Variants in PCDH15 observed in about 807,000 individuals in gnomAD.
PCDH15 encodes protocadherin-15.
A neutral mutation model predicts 178.5 loss-of-function variants in PCDH15; 129 were observed. The observed-to-expected ratio is 0.72, with a 90% CI of 0.63 to 0.84. The LOEUF (loss-of-function observed/expected upper bound fraction) is 0.84, where lower values mean the gene tolerates loss of function less well. Among genes scored for constraint, PCDH15 ranks in the 40% least tolerant of loss-of-function variants. PCDH15 has a pLI of 0.00. For missense variants in PCDH15, 2,230 were observed against 2,099.9 expected, an observed-to-expected ratio of 1.06 and a Z score of -1.21; for synonymous variants, 800 against 732.0, an observed-to-expected ratio of 1.09 and a Z score of -1.50.
chr10:55,167,328 C>A lies in PCDH15; in HGVS notation c.-155-677G>T, dbSNP rs180711872. Among the ~76,000 whole-genome samples the A allele has an allele frequency of 9.8e-4, 149 of 152,158 alleles. 1 individual carries two copies. Among genetic ancestry groups the A allele is most frequent in the African/African-American group, 3.3e-3 (135 of 41,514 alleles). On this transcript the variant is annotated intron_variant, in intron 1 of 5. Coordinates refer to the PCDH15 transcript ENST00000458638. ...TCGTAGTTTTGCCATGTTGCCCAGG[C>A]TTGTCTCAAACTTCTGGGCTCAAGT...
At chr10:53,891,509 G>A (rs925265833) in intron 26 of PCDH15, among the ~76,000 whole-genome samples, 9 of 152,112 alleles carry the variant, frequency 5.9e-5, no homozygotes, top group Admixed American at 5.9e-4. Flanking sequence ...CTGCTAGAGT[G>A]CACTCAAACT....
intron 21 of PCDH15, among the ~76,000 whole-genome samples, chr10:53,971,877 A>G (rs1158492251): frequency 6.6e-6 from 1 of 152,234 alleles, no homozygotes; most frequent in Non-Finnish European, 1.5e-5. Flanking sequence ...GGTAATTTAT[A>G]GATTCAATGC....
chr10:54,153,790 C>G (rs1426120247), intron 13 of PCDH15, among the ~76,000 whole-genome samples: 1 of 152,132 alleles, frequency 6.6e-6, no homozygotes, highest in East Asian at 1.9e-4. Flanking sequence ...CCCAGACACT[C>G]TCATCTTTGT....
At chr10:55,081,547 G>A (rs963092287) in intron 2 of PCDH15, among the ~76,000 whole-genome samples, 2 of 152,150 alleles carry the variant, frequency 1.3e-5, no homozygotes, top group Non-Finnish European at 2.9e-5. Context: ...CAGTTAGGAG[G>A]CAAGGCCTTT....
At chr10:54,349,553 C>T (rs564033036) in intron 5 of PCDH15, among the ~76,000 whole-genome samples, 37 of 152,222 alleles carry the variant, frequency 2.4e-4, no homozygotes, top group African/African-American at 8.7e-4. Context: ...AGCATGATGT[C>T]TTAATATATT....
rs77653553 is a variant in PCDH15, at chr10:54,077,682, C to G, written c.2091+1649G>C. Among the ~76,000 whole-genome samples the G allele has an allele frequency of 7.2e-3, 1,090 of 152,210 alleles. 11 individuals are homozygous for G. The highest frequency in any genetic ancestry group is 0.025 in the African/African-American group (1,022 of 41,478). ...TTGCCTAGCCGAGTTACCCTCTAAA[C>G]TTTCATCATAAGTCAAGTTCTTCAA... On this transcript the variant is annotated intron_variant, in intron 17 of 37. Transcript: ENST00000644397.
chr10:53,930,758 A>G (rs1466058055), intron 25 of PCDH15, among the ~76,000 whole-genome samples: 4 of 152,014 alleles, frequency 2.6e-5, no homozygotes, highest in Non-Finnish European at 5.9e-5. Context: ...TTTCTTCCCT[A>G]CTACATAAAC....
chr10:55,468,055 A>AATCATATCC (rs1253520986), intron 2 of PCDH15, among the ~76,000 whole-genome samples: 1 of 151,682 alleles, frequency 6.6e-6, no homozygotes, highest in Non-Finnish European at 1.5e-5. Flanking sequence ...TAACTGAGAG[A>AATCATATCC]ATCATATCCT....
chr10:54,781,244 C>T (rs1950332441), intron 1 of PCDH15, among the ~76,000 whole-genome samples: 1 of 152,044 alleles, frequency 6.6e-6, no homozygotes. Context: ...TATACACTTG[C>T]TATGGTGGTT....
At chr10:55,399,877 A>C (rs1032109898) in intron 2 of PCDH15, among the ~76,000 whole-genome samples, 13 of 152,162 alleles carry the variant, frequency 8.5e-5, no homozygotes, top group African/African-American at 2.7e-4. Context: ...AGCTTAAAAT[A>C]ACCTATACAA....
At chr10:54,037,853 C>T (rs927574599) in intron 18 of PCDH15, among the ~76,000 whole-genome samples, 11 of 152,012 alleles carry the variant, frequency 7.2e-5, no homozygotes, top group Non-Finnish European at 1.3e-4. Flanking sequence ...ACTGAAGTTA[C>T]GTCTAACATG....
At chr10:54,265,381 G>T (rs1026484998) in intron 8 of PCDH15, among the ~76,000 whole-genome samples, 4 of 151,750 alleles carry the variant, frequency 2.6e-5, no homozygotes, top group Non-Finnish European at 5.9e-5. Flanking sequence ...AAAGAAACTA[G>T]CTAACAAAAC....
intron 2 of PCDH15, among the ~76,000 whole-genome samples, chr10:55,097,701 T>G (rs903655134): frequency 2.6e-5 from 4 of 151,842 alleles, no homozygotes; most frequent in Admixed American, 6.6e-5. Flanking sequence ...GATAGATAGA[T>G]AGAGAGACAG....
chr10:54,059,673 G>GTGCTGA (rs892924984), intron 18 of PCDH15, among the ~76,000 whole-genome samples: 1 of 152,110 alleles, frequency 6.6e-6, no homozygotes, highest in East Asian at 1.9e-4. Flanking sequence ...GTTTCTATTG[G>GTGCTGA]TGCTGATGCT....
chr10:53,914,553 G>C (rs2133813375), intron 25 of PCDH15, among the ~76,000 whole-genome samples: 1 of 152,240 alleles, frequency 6.6e-6, no homozygotes, highest in African/African-American at 2.4e-5. Flanking sequence ...TCATAGGTGG[G>C]AATTGAACAA....
rs143154738 is a variant in PCDH15 at position 55,381,735 on chromosome 10, T to C, written c.-155-215084A>G. ...GATATACACAGAAGCACAGATGGTATTGCCCCTGTGGTGAAAAGCCAAAAA... is the reference window on the plus strand; with the variant it reads ...GATATACACAGAAGCACAGATGGTACTGCCCCTGTGGTGAAAAGCCAAAAA... On this transcript the variant is annotated intron_variant, in intron 2 of 5. Coordinates refer to the PCDH15 transcript ENST00000613346. Among the ~76,000 whole-genome samples, 570 of 152,200 alleles carry C rather than the reference T, an allele frequency of 3.7e-3. 4 individuals carry two copies. Among genetic ancestry groups the C allele is most frequent in the African/African-American group, 0.011 (474 of 41,540 alleles).
At chr10:54,236,019 A>G (rs1488451305) in intron 9 of PCDH15, among the ~76,000 whole-genome samples, 2 of 152,168 alleles carry the variant, frequency 1.3e-5, no homozygotes, top group African/African-American at 4.8e-5. Context: ...GTTGTTGTGT[A>G]TTTGTATATG....
intron 2 of PCDH15, among the ~76,000 whole-genome samples, chr10:55,115,410 T>A (rs1052318045): frequency 1.3e-5 from 2 of 152,222 alleles, no homozygotes; most frequent in African/African-American, 2.4e-5. Context: ...GCATTCAGCG[T>A]TGGAACAACA....
chr10:55,599,073 G>A (rs991590681), intron 2 of PCDH15, among the ~76,000 whole-genome samples: 3 of 152,134 alleles, frequency 2.0e-5, no homozygotes, highest in Admixed American at 1.3e-4. Flanking sequence ...AGGGAACAAT[G>A]AAAGAACTAT....
Sources: allele counts gnomAD v4.1 joint callset (sites outside exome capture counted in the v4.1 genomes callset), GRCh38; gene constraint gnomAD v4.1.1; transcripts MANE v1.5; gene names NCBI Gene and HGNC (gene_info 2026-07-23, HGNC 2026-07-21).